The following HEATR5B variants were observed in gnomAD, a reference collection of about 807,000 sequenced individuals.
HEATR5B encodes the protein HEAT repeat-containing protein 5B.
Under a neutral mutation model 224.1 loss-of-function variants are expected in HEATR5B, and 156 were observed. That is an observed-to-expected ratio of 0.70 (90% confidence interval 0.61 to 0.80). The LOEUF (loss-of-function observed/expected upper bound fraction) is 0.80. Ranked by LOEUF, HEATR5B falls within the 30% of genes least tolerant of loss-of-function variation. The pLI is 0.00. For synonymous variants in HEATR5B, 1,027 were observed against 893.0 expected (o/e 1.15, Z -2.68); for missense variants, 2,323 against 2,535.5 (o/e 0.92, Z 1.80).
At chr2:37,017,501 A>G (rs948030658) in intron 26 of HEATR5B, among the ~76,000 whole-genome samples, 1 of 151,550 alleles carries the variant, frequency 6.6e-6, no homozygotes, top group African/African-American at 2.4e-5. Context: ...CCTGGCCAAC[A>G]TGATGCAACC....
intron 33 of HEATR5B, among the ~76,000 whole-genome samples, chr2:36,997,366 T>A (rs1485888473): frequency 6.6e-6 from 1 of 151,302 alleles, no homozygotes; most frequent in Non-Finnish European, 1.5e-5. Context: ...TTATTTTTTA[T>A]TTTGTAGAGA....
At chr2:37,062,936 T>C (rs989734418) in intron 10 of HEATR5B, among the ~76,000 whole-genome samples, 2 of 152,198 alleles carry the variant, frequency 1.3e-5, no homozygotes, top group Admixed American at 6.5e-5. Context: ...TACAAGTGTA[T>C]GCCAACATAC....
At chr2:37,036,312 C>A (rs1276912603) in intron 21 of HEATR5B, among the ~76,000 whole-genome samples, 1 of 152,300 alleles carries the variant, frequency 6.6e-6, no homozygotes, top group East Asian at 1.9e-4. Flanking sequence ...CTCATCATTT[C>A]CTCTAGGTCC....
Position 36,990,785 on chromosome 2 carries a change from T to C in HEATR5B, c.5560A>G (p.Thr1854Ala), listed in dbSNP as rs1265932260. The part of the protein sequence containing the change: ...EYSQPEDSVP[T>A]PDEVSMLTAI... ...GTTAGCATGCTTACTTCATCAGGTG[T>C]AGGTACAGAGTCTTCTGAAAATGAA... The change falls in exon 34 of 36, where the codon ACA becomes GCA. Residue 1854 changes from threonine (T) to alanine (A), a missense_variant. Coordinates refer to ENST00000233099, the MANE Select transcript of HEATR5B (RefSeq NM_019024.3). The C allele has an allele frequency of 6.3e-7, 1 of 1,598,304 alleles. No individual in the cohort carries two copies. The highest frequency in any genetic ancestry group is 8.5e-7 in the Non-Finnish European group (1 of 1,172,652).
intron 35 of HEATR5B, among the ~76,000 whole-genome samples, chr2:36,983,714 C>A (rs1239357702): frequency 6.6e-6 from 1 of 150,880 alleles, no homozygotes; most frequent in African/African-American, 2.4e-5. Context: ...GGCGACAAAG[C>A]GAGACTCCCT....
chr2:37,034,390 G>A (rs1669339027), intron 21 of HEATR5B, among the ~76,000 whole-genome samples: 1 of 139,818 alleles, frequency 7.2e-6, no homozygotes, highest in South Asian at 2.4e-4. Context: ...GAGGCGGGCG[G>A]ATCACGAGGT....
chr2:37,052,320 T>A (rs190885364), intron 17 of HEATR5B, among the ~76,000 whole-genome samples: 25 of 152,276 alleles, frequency 1.6e-4, no homozygotes, highest in Admixed American at 1.4e-3. Context: ...CTTGGATGTC[T>A]GAACCATGGG....
intron 20 of HEATR5B, among the ~76,000 whole-genome samples, chr2:37,038,920 G>GA (rs1553313673): frequency 0.058 from 7,187 of 123,780 alleles, 871 homozygotes; most frequent in African/African-American, 0.13. Context: ...GGGGGGTGGG[G>GA]AATCACATAT....
Position 37,079,326 on chromosome 2 carries a change from A to G in HEATR5B, c.132T>C (p.Asp44=). The change falls in exon 3 of 36, where the codon GAT becomes GAC. Residue 44 remains aspartate (D), a synonymous_variant. Transcript: ENST00000233099. The part of the protein sequence containing the change: ...DKVLVAANKT[D]VKEKQKKLVE... ...CAAGTTTTTTCTGTTTTTCCTTTAC[A>G]TCGGTCTGTTACAAAAAAAATTTTT... is the stretch of plus-strand genomic sequence containing the variant. 1 of 1,588,078 alleles carries G rather than the reference A, an allele frequency of 6.3e-7. No individual in the cohort carries two copies. The highest frequency in any genetic ancestry group is 8.6e-7 in the Non-Finnish European group (1 of 1,169,448).
chr2:37,000,956 C>G (rs998902047), intron 32 of HEATR5B, 143 bp from the exon 33 acceptor site: 3 of 594,946 alleles, frequency 5.0e-6, no homozygotes, highest in African/African-American at 3.7e-5. Context: ...TGTATTACTA[C>G]TACTATAATT....
At chr2:36,989,130 G>A (rs573851930) in intron 34 of HEATR5B, among the ~76,000 whole-genome samples, 5 of 152,228 alleles carry the variant, frequency 3.3e-5, no homozygotes, top group Admixed American at 6.5e-5. Context: ...TCTGTCGCCA[G>A]GCTAGAGTGC....
chr2:37,034,797 A>G (rs1046078978), intron 21 of HEATR5B, among the ~76,000 whole-genome samples: 4 of 151,894 alleles, frequency 2.6e-5, no homozygotes, highest in African/African-American at 9.7e-5. Context: ...CACTCAAGTG[A>G]TCTGCCTGCC....
rs1056835005 is a variant in HEATR5B, at chr2:37,062,122, T to C, written c.1585-72A>G. The C allele has an allele frequency of 4.4e-6, 4 of 910,926 alleles. No individual in the cohort carries two copies. The South Asian group carries it at 5.4e-5, about 12-fold the overall frequency. 56.4% of individuals were successfully genotyped at this position (910,926 alleles called of 1,614,324 possible). On this transcript the variant is annotated intron_variant, in intron 10 of 35. Coordinates refer to ENST00000233099, the MANE Select transcript of HEATR5B (RefSeq NM_019024.3). ...TAAATAAGGAAACAGATAACTAGCATACATTACTTAAAAGAAGTTGTTGGC... is the reference window on the plus strand; with the variant it reads ...TAAATAAGGAAACAGATAACTAGCACACATTACTTAAAAGAAGTTGTTGGC...
At chr2:37,039,979 T>C (rs1669773350) in intron 20 of HEATR5B, among the ~76,000 whole-genome samples, 2 of 152,178 alleles carry the variant, frequency 1.3e-5, no homozygotes, top group South Asian at 2.1e-4. Flanking sequence ...TCCTAATCCT[T>C]AGAGTTCAAA....
chr2:37,034,204 C>T (rs1669323105), intron 21 of HEATR5B, among the ~76,000 whole-genome samples: 1 of 150,570 alleles, frequency 6.6e-6, no homozygotes, highest in Admixed American at 6.6e-5. Flanking sequence ...GATGGGGTTT[C>T]ACCGTGTTAG....
chr2:36,998,407 T>G (rs1666867555), intron 33 of HEATR5B, among the ~76,000 whole-genome samples: 1 of 152,274 alleles, frequency 6.6e-6, no homozygotes, highest in African/African-American at 2.4e-5. Flanking sequence ...CAAATACTGG[T>G]GAGAATGTGG....
intron 26 of HEATR5B, among the ~76,000 whole-genome samples, chr2:37,015,901 A>T (rs939805485): frequency 1.3e-5 from 2 of 152,292 alleles, no homozygotes; most frequent in African/African-American, 4.8e-5. Flanking sequence ...AACAAAAAAA[A>T]TAAAGCCTTA....
At chr2:37,082,341 A>C (rs1040357400) in intron 2 of HEATR5B, among the ~76,000 whole-genome samples, 2 of 151,816 alleles carry the variant, frequency 1.3e-5, no homozygotes, top group African/African-American at 2.4e-5. Flanking sequence ...CAGCTTCCCA[A>C]CGTGCTGGGA....
At chr2:36,995,412 C>T (rs1666631510) in intron 33 of HEATR5B, among the ~76,000 whole-genome samples, 1 of 152,136 alleles carries the variant, frequency 6.6e-6, no homozygotes, top group South Asian at 2.1e-4. Context: ...CACACATATA[C>T]ATATATAAAT....
Sources: gnomAD v4.1 joint callset for allele counts (sites outside exome capture counted in the v4.1 genomes callset) on GRCh38, gnomAD v4.1.1 for gene constraint, MANE v1.5 for transcripts, NCBI Gene and HGNC (gene_info 2026-07-23, HGNC 2026-07-21) for gene names.